DOCK7: variants seen among roughly 807,000 people sequenced by gnomAD.
The protein encoded by DOCK7 is dedicator of cytokinesis 7, also known as dedicator of cytokinesis protein 7.
A neutral mutation model predicts 271.0 loss-of-function variants in DOCK7; 138 were observed. That is an observed-to-expected ratio of 0.51 (90% CI 0.44 to 0.59). DOCK7 has a LOEUF of 0.59. Among genes scored for constraint, DOCK7 ranks in the 20% least tolerant of loss-of-function variants. DOCK7 has a pLI of 0.00. For missense variants in DOCK7, 2,066 were observed against 2,592.4 expected (o/e 0.80, Z 4.41); for synonymous variants, 823 against 876.1 (o/e 0.94, Z 1.07).
chr1:62,487,544 T>C, intron 42 of DOCK7, 132 bp from the exon 43 acceptor site: 1 of 744,446 alleles, frequency 1.3e-6, no homozygotes, highest in Non-Finnish European at 2.2e-6. Context: ...AACAGCATAT[T>C]CATTTACTTA....
chr1:62,604,174 G>C (rs1650588720), intron 14 of DOCK7: 1 of 1,613,074 alleles, frequency 6.2e-7, no homozygotes, highest in South Asian at 1.1e-5. Flanking sequence ...ACAAAGATTT[G>C]GTGTTTTCTA....
intron 10 of DOCK7, 55 bp from the exon 11 acceptor site, chr1:62,631,460 A>G: frequency 7.0e-7 from 1 of 1,435,830 alleles, no homozygotes; most frequent in Non-Finnish European, 9.4e-7. Flanking sequence ...AATCAGTTAA[A>G]GGCTATTTCA....
chr1:62,565,300 G>C lies in DOCK7; in HGVS notation c.2113-3597C>G, dbSNP rs1646474646. On this transcript the variant is annotated intron_variant, in intron 18 of 49. Transcript: ENST00000635253. ...AAATATCCCTGATCAACATCGATGTGAAAATCCTCAATAAAATACTGGCAA... is the reference window on the plus strand; with the variant it reads ...AAATATCCCTGATCAACATCGATGTCAAAATCCTCAATAAAATACTGGCAA... Among the ~76,000 whole-genome samples the C allele has an allele frequency of 2.0e-5, 3 of 152,156 alleles. No individual in the cohort carries two copies. The South Asian group carries it at 6.2e-4, about 32-fold the overall frequency.
At chr1:62,623,102 T>C (rs1030486551) in intron 12 of DOCK7, among the ~76,000 whole-genome samples, 7 of 152,124 alleles carry the variant, frequency 4.6e-5, no homozygotes, top group Non-Finnish European at 1.0e-4. Context: ...ACATAAACAC[T>C]AATGATTACT....
chr1:62,483,773 G>A (rs1646211002), intron 43 of DOCK7: 1 of 151,890 alleles, frequency 6.6e-6, no homozygotes, highest in Admixed American at 6.6e-5. Flanking sequence ...AGAGACATGG[G>A]TTTTGCCATG....
chr1:62,582,985 G>A (rs1200784905), intron 16 of DOCK7, among the ~76,000 whole-genome samples, 199 bp downstream of exon 16: 1 of 152,220 alleles, frequency 6.6e-6, no homozygotes. Flanking sequence ...CGATAGAAAA[G>A]ATGTTTGGTG....
At position 62,496,409 on chromosome 1, in the gene DOCK7, C is replaced by T. The variant is rs142960242; in HGVS notation, c.4853G>A (p.Arg1618His). The change falls in exon 38 of 50, where the codon CGT (arginine) becomes CAT (histidine). Residue 1618 changes from arginine to histidine, a missense_variant. This residue lies in a region of DOCK7 where 652 missense variants were observed against 922.1 expected (regional missense o/e 0.71). Coordinates refer to ENST00000635253, the MANE Select transcript of DOCK7 (RefSeq NM_001367561.1). Reference sequence around the variant, plus strand: ...ATATGTCAATATAGTCTTTAGAGAACGTCTTAAGAATTCTTCATTAAAATT... The same window carrying T: ...ATATGTCAATATAGTCTTTAGAGAATGTCTTAAGAATTCTTCATTAAAATT... ...SQNFNEEFLR[R>H]SLKTILTYAE... 10 of 1,613,276 alleles carry T rather than the reference C, an allele frequency of 6.2e-6. No homozygotes were observed. The highest frequency in any genetic ancestry group is 2.7e-5 in the African/African-American group (2 of 74,850).
intron 34 of DOCK7, 40 bp from the exon 35 acceptor site, chr1:62,508,098 GA>G: frequency 6.6e-7 from 1 of 1,526,162 alleles, no homozygotes; most frequent in Non-Finnish European, 8.8e-7. Context: ...TTATCTTTTT[GA>G]AAACTACAAT....
intron 1 of DOCK7, among the ~76,000 whole-genome samples, chr1:62,670,808 G>C (rs1319226126): frequency 1.3e-5 from 2 of 152,170 alleles, no homozygotes; most frequent in African/African-American, 2.4e-5. Flanking sequence ...GGCCAGATAA[G>C]AGAATAAAAG....
intron 14 of DOCK7, among the ~76,000 whole-genome samples, chr1:62,612,672 T>G (rs1040817535): frequency 6.6e-6 from 1 of 152,314 alleles, no homozygotes; most frequent in South Asian, 2.1e-4. Flanking sequence ...ATATTCAGAT[T>G]AGATCAGAGA....
intron 7 of DOCK7, among the ~76,000 whole-genome samples, chr1:62,639,746 T>C (rs1267698164): frequency 2.0e-5 from 3 of 152,084 alleles, no homozygotes; most frequent in Non-Finnish European, 4.4e-5. Context: ...TTATAATATT[T>C]TTAAACCGCA....
At chr1:62,553,276 G>T (rs186407026) in intron 21 of DOCK7, among the ~76,000 whole-genome samples, 1 of 136,360 alleles carries the variant, frequency 7.3e-6, no homozygotes, top group Non-Finnish European at 1.5e-5. Flanking sequence ...CTTGCGATCC[G>T]CCTGAAGAGG....
intron 1 of DOCK7, among the ~76,000 whole-genome samples, chr1:62,665,454 C>A (rs1279741928): frequency 6.6e-6 from 1 of 151,750 alleles, no homozygotes; most frequent in Non-Finnish European, 1.5e-5. Context: ...GCCTGTAATC[C>A]CAGCACTTTA....
intron 14 of DOCK7, among the ~76,000 whole-genome samples, chr1:62,617,567 T>C (rs1652603083): frequency 6.6e-6 from 1 of 152,028 alleles, no homozygotes; most frequent in Non-Finnish European, 1.5e-5. Context: ...TGAATTGAAA[T>C]GTGCTTTAAC....
At chr1:62,571,870 G>A (rs1264430321) in intron 18 of DOCK7, among the ~76,000 whole-genome samples, 1 of 152,082 alleles carries the variant, frequency 6.6e-6, no homozygotes, top group African/African-American at 2.4e-5. Flanking sequence ...CATGGACACA[G>A]GGAAGGAAAC....
chr1:62,654,881 T>C (rs1557865866), intron 2 of DOCK7, among the ~76,000 whole-genome samples: 2 of 152,052 alleles, frequency 1.3e-5, no homozygotes, highest in African/African-American at 2.4e-5. Flanking sequence ...AAGATAGAGA[T>C]GATGTGATCA....
intron 11 of DOCK7, among the ~76,000 whole-genome samples, chr1:62,626,707 A>G (rs909286499): frequency 1.3e-5 from 2 of 152,162 alleles, no homozygotes; most frequent in Admixed American, 6.5e-5. Flanking sequence ...ACTCAAGATG[A>G]AAGAAAATGT....
At chr1:62,460,710 G>A (rs979183185) in intron 48 of DOCK7, among the ~76,000 whole-genome samples, 9 of 151,718 alleles carry the variant, frequency 5.9e-5, no homozygotes, top group African/African-American at 2.2e-4. Context: ...AGGCTGAAGT[G>A]CAGTGGCACG....
intron 14 of DOCK7, among the ~76,000 whole-genome samples, chr1:62,616,050 CAT>C (rs1652395286): frequency 6.6e-6 from 1 of 151,862 alleles, no homozygotes; most frequent in Non-Finnish European, 1.5e-5. Flanking sequence ...AGCACTAATA[CAT>C]GTTTACATAA....
Sources: gnomAD v4.1 joint callset for allele counts (sites outside exome capture counted in the v4.1 genomes callset) on GRCh38, gnomAD v4.1.1 for gene constraint, gnomAD v4.1.1 regional missense constraint, MANE v1.5 for transcripts, NCBI Gene and HGNC (gene_info 2026-07-23, HGNC 2026-07-21) for gene names.